The following PFKM variants were observed in gnomAD, a reference collection of about 807,000 sequenced individuals.
PFKM encodes the protein phosphofructokinase, muscle, also known as ATP-dependent 6-phosphofructokinase, muscle type.
In PFKM, 58 loss-of-function variants were observed where a neutral mutation model predicts 95.5. The ratio of observed to expected loss-of-function variants is 0.61; its 90% CI spans 0.49 to 0.76. The LOEUF (loss-of-function observed/expected upper bound fraction) is 0.76. PFKM is among the 30% of genes least tolerant of loss of function. The pLI is 0.00. For synonymous variants in PFKM, 336 were observed against 357.2 expected (o/e 0.94, Z 0.67); for missense variants, 678 against 1,005.4 (o/e 0.67, Z 4.40).
upstream of PFKM, among the ~76,000 whole-genome samples, chr12:48,117,374 G>A (rs1041527760): frequency 6.6e-6 from 1 of 152,168 alleles, no homozygotes; most frequent in African/African-American, 2.4e-5. Context: ...TGGATCATGT[G>A]GTAAGACAAT....
chr12:48,141,722 C>T lies in PFKM; in HGVS notation c.1413-18C>T, dbSNP rs1950593114. 2 of 1,572,870 alleles carry T rather than the reference C, an allele frequency of 1.3e-6. No individual in the cohort carries two copies. The highest frequency in any genetic ancestry group is 1.8e-6 in the Non-Finnish European group (2 of 1,142,472). On this transcript the variant is annotated intron_variant, in intron 15 of 22. Transcript: ENST00000359794. ...ATTCCAATTCCCCTTCCCCTCCCCG[C>T]CATCACTGATCAACTAGGACTCTAC...
chr12:48,139,887 C>G lies in PFKM; in HGVS notation c.1166C>G (p.Ala389Gly). The change falls in exon 13 of 23, where the codon GCT becomes GGT. Residue 389 changes from alanine (A) to glycine (G), a missense_variant. Physicochemically the swap from Ala to Gly is moderately conservative, Grantham distance 60 (BLOSUM62 0). Transcript: ENST00000359794. Reference protein sequence around the residue: ...MNNWEVYKLLAHVRPPVSKSG... With the variant: ...MNNWEVYKLLGHVRPPVSKSG... The stretch of plus-strand genomic sequence containing the variant: ...AACTGGGAGGTGTACAAGCTTCTAG[C>G]TCATGTCAGACCCCCGGTATCTAAG... 1 of 1,612,748 alleles carries G rather than the reference C, an allele frequency of 6.2e-7. No homozygotes were observed. The highest frequency in any genetic ancestry group is 8.5e-7 in the Non-Finnish European group (1 of 1,178,726).
chr12:48,129,243 T>C (rs74089111), intron 2 of PFKM, among the ~76,000 whole-genome samples: 1,413 of 96,160 alleles, frequency 0.015, 60 homozygotes, highest in African/African-American at 0.061. Flanking sequence ...TTTTTTTTTT[T>C]ACAGATGGAG....
intron 1 of PFKM, chr12:48,122,450 C>A: frequency 2.0e-6 from 1 of 507,654 alleles, no homozygotes; most frequent in Non-Finnish European, 2.9e-6. Flanking sequence ...CTCCCTTTCT[C>A]ATTTCTATTC....
chr12:48,124,876 C>T (rs998798115), intron 2 of PFKM, among the ~76,000 whole-genome samples: 3 of 152,156 alleles, frequency 2.0e-5, no homozygotes, highest in Non-Finnish European at 2.9e-5. Flanking sequence ...ATTCAGAAGT[C>T]GCCTGCCCAG....
At chr12:48,136,532 C>T (rs1177761526) in intron 10 of PFKM, among the ~76,000 whole-genome samples, 1 of 151,864 alleles carries the variant, frequency 6.6e-6, no homozygotes, top group African/African-American at 2.4e-5. Context: ...AGAGTAATTG[C>T]CCAGGAGTTC....
intron 3 of PFKM, among the ~76,000 whole-genome samples, chr12:48,113,374 C>A (rs934912139): frequency 1.4e-4 from 21 of 152,178 alleles, no homozygotes; most frequent in African/African-American, 4.8e-4. Context: ...GCTTCCGAGG[C>A]GACTGGGCAG....
chr12:48,137,171 T>C (rs1346368367), intron 10 of PFKM, among the ~76,000 whole-genome samples: 1 of 151,380 alleles, frequency 6.6e-6, no homozygotes, highest in Non-Finnish European at 1.5e-5. Flanking sequence ...AAGGGATTCT[T>C]CTACCTCAGC....
intron 4 of PFKM, chr12:48,131,992 A>G (rs887794133): frequency 4.4e-6 from 2 of 455,796 alleles, no homozygotes; most frequent in Non-Finnish European, 8.8e-6. Context: ...AAATTTGTAA[A>G]TTACATTTGT....
At chr12:48,133,107 G>A (rs201185652) in intron 5 of PFKM, 50 bp downstream of exon 5, 141 of 1,533,996 alleles carry the variant, frequency 9.2e-5, no homozygotes, top group African/African-American at 8.0e-4. Context: ...GTACGTGCAC[G>A]CGTGTACACA....
At position 48,145,874 on chromosome 12, in the gene PFKM, G is replaced by A; in HGVS notation, c.*166G>A. 2 of 674,546 alleles carry A rather than the reference G, an allele frequency of 3.0e-6. No homozygotes were observed. The allele number at this position is 674,546 out of a possible 1,614,324, so 41.8% of individuals were successfully genotyped here. On this transcript the variant is annotated 3_prime_UTR_variant, in exon 23 of 23. Coordinates refer to ENST00000359794, the MANE Select transcript of PFKM (RefSeq NM_000289.6). The surrounding 1 kb of genome is among the most constrained non-coding windows in gnomAD (Gnocchi z 4.3). ...CCAGGAGCTGGAGGAGCAGGCAGTGGGTGGGAGCTCCTTTTAGGTAGAATT... is the reference window on the plus strand; with the variant it reads ...CCAGGAGCTGGAGGAGCAGGCAGTGAGTGGGAGCTCCTTTTAGGTAGAATT...
At chr12:48,105,476 C>T, upstream of PFKM, 1 of 519,020 alleles carries the variant, frequency 1.9e-6, no homozygotes, top group South Asian at 1.4e-5. Flanking sequence ...AGGGTCCAGA[C>T]GTTTCTTTCT....
intron 10 of PFKM, 124 bp downstream of exon 10, chr12:48,135,507 C>T: frequency 1.5e-6 from 1 of 684,094 alleles, no homozygotes; most frequent in East Asian, 2.7e-5. Context: ...CTCCACCAGC[C>T]TTTGGGCTGC....
At position 48,145,913 on chromosome 12, in the gene PFKM, G is replaced by T. The variant is rs950297924; in HGVS notation, c.*205G>T. On this transcript the variant is annotated 3_prime_UTR_variant, in exon 23 of 23. Transcript: ENST00000359794. This position sits in a 1 kb window ranked among gnomAD's most constrained non-coding sequence, Gnocchi z 4.3. ...TTAGGTAGAATTTAACATGACTTCT[G>T]CCCCAGCTTTATCTGTCACACAAGG... 9 of 591,352 alleles carry T rather than the reference G, an allele frequency of 1.5e-5. No homozygotes were observed. Among genetic ancestry groups the T allele is most frequent in the African/African-American group, 1.5e-4 (8 of 53,814 alleles). The allele number at this position is 591,352 out of a possible 1,614,324, so 36.6% of individuals were successfully genotyped here.
In PFKM at chr12:48,141,399, G is replaced by A. The variant is rs1950565373; in HGVS notation, c.1412+18G>A. On this transcript the variant is annotated intron_variant, in intron 15 of 22. Transcript: ENST00000359794. ...ACTAAAAGGTAAGTAGCACTGCAGA[G>A]GCACCTCCTCCCAGTCACCTCTTAA... 1 of 1,607,912 alleles carries A rather than the reference G, an allele frequency of 6.2e-7. No homozygotes were observed. Among genetic ancestry groups the A allele is most frequent in the Non-Finnish European group, 8.5e-7 (1 of 1,174,436 alleles).
chr12:48,130,334 T>C, intron 2 of PFKM, 29 bp from the exon 3 acceptor site: 1 of 1,580,496 alleles, frequency 6.3e-7, no homozygotes, highest in Non-Finnish European at 8.7e-7. Flanking sequence ...GAGCAACCTC[T>C]CCGTGACTTC....
intron 4 of PFKM, chr12:48,131,732 G>C (rs1949513959): frequency 1.3e-5 from 5 of 382,044 alleles, no homozygotes; most frequent in South Asian, 1.1e-4. Context: ...ACTGGAGCCA[G>C]AGCCAGAAGT....
At chr12:48,116,680 T>C (rs1223240963), upstream of PFKM, among the ~76,000 whole-genome samples, 3 of 152,196 alleles carry the variant, frequency 2.0e-5, no homozygotes, top group African/African-American at 7.2e-5. Flanking sequence ...GGTTTCACCA[T>C]GTTGCCCAGT....
chr12:48,133,412 C>T lies in PFKM; in HGVS notation c.525C>T (p.Thr175=), dbSNP rs745869539. ...ATGACTTCTGTGGCACCGATATGACCATTGGCACTGACTCTGCCCTGCATC... is the reference window on the plus strand; with the variant it reads ...ATGACTTCTGTGGCACCGATATGACTATTGGCACTGACTCTGCCCTGCATC... ...IDNDFCGTDM[T]IGTDSALHRI... Residue 175 remains threonine, a synonymous_variant, in exon 6 of 23, where the codon ACC becomes ACT. Coordinates refer to ENST00000359794, the MANE Select transcript of PFKM (RefSeq NM_000289.6). 1.9e-6 allele frequency: 3 copies of T among 1,613,952 alleles called. No individual in the cohort carries two copies. Among genetic ancestry groups the T allele is most frequent in the African/African-American group, 2.7e-5 (2 of 74,902 alleles).
Sources: gnomAD v4.1 joint callset for allele counts (sites outside exome capture counted in the v4.1 genomes callset) on GRCh38, gnomAD v4.1.1 for gene constraint, Gnocchi (gnomAD v3.1) non-coding constraint, MANE v1.5 for transcripts, NCBI Gene and HGNC (gene_info 2026-07-23, HGNC 2026-07-21) for gene names.